Variants in NXN observed in about 807,000 individuals in gnomAD.
The protein encoded by NXN is nucleoredoxin.
NXN carries 16 observed loss-of-function variants against 48.6 expected under a neutral mutation model. The ratio of observed to expected loss-of-function variants is 0.33; its 90% CI spans 0.22 to 0.50. The LOEUF is 0.50. NXN is among the 20% of genes least tolerant of loss of function. The pLI is 0.98. For missense variants in NXN, 492 were observed against 605.5 expected (o/e 0.81, Z 1.97); for synonymous variants, 281 against 269.6 (o/e 1.04, Z -0.41).
At position 825,527 on chromosome 17, in the gene NXN, G is replaced by A. The variant is rs185523735; in HGVS notation, c.478+434C>T. On this transcript the variant is annotated intron_variant, in intron 2 of 7. Coordinates refer to ENST00000336868, the MANE Select transcript of NXN (RefSeq NM_022463.5). The surrounding 1 kb of genome is among the most constrained non-coding windows in gnomAD (Gnocchi z 4.1). ...CTCCAAGCAACGAGGTGCACTCACC[G>A]CCAAGGCCAGGAGAGTGACACGGGG... 144 of 165,726 alleles carry A rather than the reference G, an allele frequency of 8.7e-4. No homozygotes were observed. In the Middle Eastern group the frequency reaches 9.4e-3, roughly 11 times the overall value. 10.3% of individuals were successfully genotyped at this position (165,726 alleles called of 1,614,324 possible). A position where few individuals can be genotyped will look rare whatever the true frequency, so the allele number is the denominator to read the frequency against.
chr17:862,580 C>T (rs1450008014), intron 1 of NXN, among the ~76,000 whole-genome samples: 1 of 152,194 alleles, frequency 6.6e-6, no homozygotes, highest in East Asian at 1.9e-4. Context: ...GGATGTGAAG[C>T]CACTGGGTAA....
At chr17:868,046 A>G (rs56357215) in intron 1 of NXN, among the ~76,000 whole-genome samples, 35,313 of 152,054 alleles carry the variant, frequency 0.23, 4,962 homozygotes, top group African/African-American at 0.39. Context: ...CAGCAGGGAC[A>G]TGTGTTGTGC....
At chr17:829,263 T>C (rs1913315038) in intron 1 of NXN, among the ~76,000 whole-genome samples, 1 of 151,538 alleles carries the variant, frequency 6.6e-6, no homozygotes, top group East Asian at 1.9e-4. Context: ...TTCAACGAAT[T>C]CTCTGCCTCA....
At chr17:970,809 G>A (rs1012121491) in intron 1 of NXN, among the ~76,000 whole-genome samples, 10 of 152,140 alleles carry the variant, frequency 6.6e-5, no homozygotes, top group South Asian at 6.2e-4. Context: ...AAGTTAAAAC[G>A]GTGAATATCT....
At chr17:828,125 A>G (rs1913235497) in intron 1 of NXN, among the ~76,000 whole-genome samples, 1 of 152,008 alleles carries the variant, frequency 6.6e-6, no homozygotes, top group Non-Finnish European at 1.5e-5. Flanking sequence ...TTTTTTTTAA[A>G]CAGAATCTCG....
intron 1 of NXN, among the ~76,000 whole-genome samples, chr17:900,746 A>G (rs531888424): frequency 6.6e-6 from 1 of 152,262 alleles, no homozygotes; most frequent in South Asian, 2.1e-4. Context: ...GCCAAAAAAA[A>G]AGTACCTTTT....
At chr17:834,650 G>A (rs1449586194) in intron 1 of NXN, among the ~76,000 whole-genome samples, 1 of 151,934 alleles carries the variant, frequency 6.6e-6, no homozygotes, top group African/African-American at 2.4e-5. Context: ...CTCCCAAAGT[G>A]CTGGGATTAC....
chr17:854,654 C>CAAA (rs538020306), intron 1 of NXN, among the ~76,000 whole-genome samples: 12 of 62,094 alleles, frequency 1.9e-4, no homozygotes, highest in African/African-American at 5.3e-4. Flanking sequence ...GACTCTGTCT[C>CAAA]AAAAAAAAAA....
chr17:858,200 A>G (rs769994344), intron 1 of NXN, among the ~76,000 whole-genome samples: 16 of 151,646 alleles, frequency 1.1e-4, no homozygotes, highest in African/African-American at 3.6e-4. Flanking sequence ...TATTTTTTCT[A>G]TAGAGATGAG....
In NXN at chr17:823,262, G is replaced by A. The variant is rs904376417; in HGVS notation, c.612+370C>T. On this transcript the variant is annotated intron_variant, in intron 3 of 7. Coordinates refer to ENST00000336868, the MANE Select transcript of NXN (RefSeq NM_022463.5). Reference sequence around the variant, plus strand: ...AAAAATACAAAAATTAGTCAGGCGTGGTGGCATGCACCTGTAATCCCAGCT... The same window carrying A: ...AAAAATACAAAAATTAGTCAGGCGTAGTGGCATGCACCTGTAATCCCAGCT... 1.8e-4 allele frequency among the ~76,000 whole-genome samples: 27 copies of A among 151,968 alleles called. No individual in the cohort carries two copies. In the South Asian group the frequency reaches 2.1e-3, roughly 12 times the overall value.
chr17:897,801 G>A (rs1392339486), intron 1 of NXN, among the ~76,000 whole-genome samples: 1 of 152,040 alleles, frequency 6.6e-6, no homozygotes, highest in African/African-American at 2.4e-5. Flanking sequence ...TCAGCCTCCC[G>A]AGTAGCTGGG....
In NXN at chr17:956,181, G is replaced by A. The variant is rs779848294; in HGVS notation, c.360+23138C>T. Among the ~76,000 whole-genome samples, 4 of 152,020 alleles carry A rather than the reference G, an allele frequency of 2.6e-5. No homozygotes were observed. The highest frequency in any genetic ancestry group is 6.6e-5 in the Admixed American group (1 of 15,242). On this transcript the variant is annotated intron_variant, in intron 1 of 7. Transcript: ENST00000336868. This position sits in a 1 kb window ranked among gnomAD's most constrained non-coding sequence, Gnocchi z 4.1. ...TTGGAATTCCAAACCTCTTCCCACC[G>A]GAATCCCGCCAAGCCTTCAACTCTC...
At chr17:813,055 G>A (rs75103398) in intron 5 of NXN, among the ~76,000 whole-genome samples, 3,412 of 151,952 alleles carry the variant, frequency 0.022, 113 homozygotes, top group African/African-American at 0.077. Flanking sequence ...GTGTGTGTGC[G>A]TGTGTTCACA....
intron 1 of NXN, among the ~76,000 whole-genome samples, chr17:966,968 T>TG (rs1398606181): frequency 6.6e-6 from 1 of 152,106 alleles, no homozygotes; most frequent in Non-Finnish European, 1.5e-5. Context: ...AGCGGTCCCC[T>TG]GGGAGAGGAC....
At chr17:886,493 G>A (rs544859473) in intron 1 of NXN, among the ~76,000 whole-genome samples, 5 of 152,274 alleles carry the variant, frequency 3.3e-5, no homozygotes, top group South Asian at 2.1e-4. Context: ...AACCAACACC[G>A]TTGGCCGGCG....
chr17:827,722 C>A (rs546924824), intron 1 of NXN, among the ~76,000 whole-genome samples: 1 of 152,246 alleles, frequency 6.6e-6, no homozygotes, highest in Non-Finnish European at 1.5e-5. Context: ...TTAGGCCGTT[C>A]GGCTCTGAGC....
At chr17:865,736 C>A (rs2068089128) in intron 1 of NXN, among the ~76,000 whole-genome samples, 1 of 151,642 alleles carries the variant, frequency 6.6e-6, no homozygotes, top group Non-Finnish European at 1.5e-5. Flanking sequence ...GTAATCCCAG[C>A]ACTTTGGGAG....
Position 898,952 on chromosome 17 carries a change from CTT to C in NXN, c.361-72876_361-72875del, listed in dbSNP as rs569415982. 2.1e-4 allele frequency among the ~76,000 whole-genome samples: 13 copies of C among 61,406 alleles called. 3 individuals carry two copies. Among genetic ancestry groups the C allele is most frequent in the African/African-American group, 4.7e-4 (13 of 27,686 alleles). 40.3% of individuals were successfully genotyped at this position (61,406 alleles called of 152,430 possible). ...GGCTGGGATTCTGCCTCTGTGCATG[CTT>C]TTTTTTTTTTTCTTTTTTTTTGAGA... is the stretch of plus-strand genomic sequence containing the variant. On this transcript the variant is annotated intron_variant, in intron 1 of 7. Transcript: ENST00000336868.
chr17:877,825 T>C (rs1421113383), intron 1 of NXN: 4 of 151,916 alleles, frequency 2.6e-5, no homozygotes, highest in African/African-American at 9.7e-5. Flanking sequence ...AGGCCAGGAG[T>C]GGGATAGGGC....
Sources: gnomAD v4.1 joint callset for allele counts (sites outside exome capture counted in the v4.1 genomes callset) on GRCh38, gnomAD v4.1.1 for gene constraint, Gnocchi (gnomAD v3.1) non-coding constraint, MANE v1.5 for transcripts, NCBI Gene and HGNC (gene_info 2026-07-23, HGNC 2026-07-21) for gene names.